NAALADL2: variants seen among roughly 807,000 people sequenced by gnomAD.
The protein encoded by NAALADL2 is inactive N-acetylated-alpha-linked acidic dipeptidase-like protein 2.
In NAALADL2, 76 loss-of-function variants were observed where a neutral mutation model predicts 87.2. That is an observed-to-expected ratio of 0.87 (90% CI 0.72 to 1.05). The LOEUF (loss-of-function observed/expected upper bound fraction) is 1.05. NAALADL2 is among the 50% of genes least tolerant of loss of function. NAALADL2 has a pLI of 0.00. For missense variants in NAALADL2, 1,089 were observed against 945.8 expected, an observed-to-expected ratio of 1.15 and a Z score of -1.99; for synonymous variants, 354 against 331.0, an observed-to-expected ratio of 1.07 and a Z score of -0.75.
chr3:175,240,432 T>C (rs1296727342), intron 3 of NAALADL2, among the ~76,000 whole-genome samples: 4 of 152,218 alleles, frequency 2.6e-5, no homozygotes, highest in African/African-American at 9.7e-5. Flanking sequence ...TTGGTCTTTC[T>C]CTTTTATTTT....
At chr3:174,463,566 A>G (rs1442329183) in intron 1 of NAALADL2, among the ~76,000 whole-genome samples, 1 of 151,694 alleles carries the variant, frequency 6.6e-6, no homozygotes, top group South Asian at 2.1e-4. Flanking sequence ...AGAATCCTAA[A>G]TACTACATTT....
chr3:174,731,865 G>A (rs116501210), intron 2 of NAALADL2, among the ~76,000 whole-genome samples: 1,767 of 152,216 alleles, frequency 0.012, 34 homozygotes, highest in African/African-American at 0.04. Context: ...CTGGAAAACC[G>A]CTGATCTCAA....
chr3:175,311,225 A>ATTTT (rs58374410), intron 4 of NAALADL2, among the ~76,000 whole-genome samples: 50 of 144,434 alleles, frequency 3.5e-4, no homozygotes, highest in African/African-American at 1.2e-3. Flanking sequence ...TAGAACATGG[A>ATTTT]TTTTTTTTTT....
chr3:175,804,595 A>C lies in NAALADL2; in HGVS notation c.*1392A>C, dbSNP rs1020445986. On this transcript the variant is annotated 3_prime_UTR_variant, in exon 14 of 14. Coordinates refer to ENST00000454872, the MANE Select transcript of NAALADL2 (RefSeq NM_207015.3). ...ACATAGCCTCAGAGTATTTCATATA[A>C]ATTTTCTCTATCTAATTCAAACATA... is the stretch of plus-strand genomic sequence containing the variant. 6.6e-6 allele frequency: 1 copy of C among 151,790 alleles called. No homozygotes were observed. Among genetic ancestry groups the C allele is most frequent in the East Asian group, 1.9e-4 (1 of 5,176 alleles). The allele number at this position is 151,790 out of a possible 1,614,324, so 9.4% of individuals were successfully genotyped here.
At chr3:175,629,211 A>T (rs1386552461) in intron 11 of NAALADL2, among the ~76,000 whole-genome samples, 1 of 148,838 alleles carries the variant, frequency 6.7e-6, no homozygotes, top group Non-Finnish European at 1.5e-5. Context: ...ATGAATATAT[A>T]GTTTAATGAA....
At chr3:175,476,044 CGTT>C (rs1308918064) in intron 9 of NAALADL2, among the ~76,000 whole-genome samples, 4 of 152,074 alleles carry the variant, frequency 2.6e-5, no homozygotes, top group Admixed American at 6.6e-5. Context: ...TAGTTGTAGT[CGTT>C]GTTGTTGTTT....
intron 2 of NAALADL2, among the ~76,000 whole-genome samples, chr3:175,208,212 C>T (rs1741234950): frequency 6.6e-6 from 1 of 152,060 alleles, no homozygotes; most frequent in Non-Finnish European, 1.5e-5. Context: ...TCCCAAGCTT[C>T]CTATATTTTT....
chr3:174,571,915 G>C (rs1714978615), intron 2 of NAALADL2, among the ~76,000 whole-genome samples: 1 of 152,124 alleles, frequency 6.6e-6, no homozygotes, highest in Admixed American at 6.6e-5. Context: ...CTTCAGACTT[G>C]TTTTACCAAA....
At chr3:175,080,129 C>T (rs1717498019) in intron 1 of NAALADL2, among the ~76,000 whole-genome samples, 1 of 152,094 alleles carries the variant, frequency 6.6e-6, no homozygotes, top group Non-Finnish European at 1.5e-5. Context: ...CGGCGCCCGG[C>T]TAATTTTTTG....
chr3:175,374,027 A>G (rs1377001123), intron 5 of NAALADL2, among the ~76,000 whole-genome samples: 1 of 151,928 alleles, frequency 6.6e-6, no homozygotes, highest in Non-Finnish European at 1.5e-5. Context: ...GAATTTTTTT[A>G]TATATTTCAG....
intron 1 of NAALADL2, among the ~76,000 whole-genome samples, chr3:174,478,839 G>T (rs1717373511): frequency 6.6e-6 from 1 of 152,102 alleles, no homozygotes; most frequent in Non-Finnish European, 1.5e-5. Flanking sequence ...AGCCTCCTGA[G>T]AAACTGGGAT....
chr3:175,245,527 T>C (rs1014615722), intron 3 of NAALADL2, among the ~76,000 whole-genome samples: 1 of 152,244 alleles, frequency 6.6e-6, no homozygotes, highest in African/African-American at 2.4e-5. Context: ...GCAAATGTAT[T>C]AAACAACTAC....
rs562428991 is a variant in NAALADL2 at position 174,791,374 on chromosome 3, T to TA, written c.-9+53634dup. Among the ~76,000 whole-genome samples, 29 of 152,210 alleles carry TA rather than the reference T, an allele frequency of 1.9e-4. No individual in the cohort carries two copies. In the South Asian group the frequency reaches 5.4e-3, roughly 28 times the overall value. On this transcript the variant is annotated intron_variant, in intron 3 of 3. Transcript: ENST00000434257. ...TTCATGAATGGGATTAGTGCTCTTGTAAAAAAGGCCTCAGAGAGACCATCC... is the reference window on the plus strand; with the variant it reads ...TTCATGAATGGGATTAGTGCTCTTGTAAAAAAAGGCCTCAGAGAGACCATCC...
intron 2 of NAALADL2, among the ~76,000 whole-genome samples, chr3:175,146,253 A>C (rs1357509290): frequency 6.6e-6 from 1 of 152,094 alleles, no homozygotes; most frequent in Non-Finnish European, 1.5e-5. Flanking sequence ...TTAGGTAACT[A>C]CTAGATCACA....
At chr3:175,013,186 A>ATGT (rs1750282082) in intron 1 of NAALADL2, among the ~76,000 whole-genome samples, 1 of 95,184 alleles carries the variant, frequency 1.1e-5, no homozygotes, top group African/African-American at 6.3e-5. Context: ...ATTTATATAT[A>ATGT]AATATATATA....
At chr3:175,794,147 G>C (rs1021754768) in intron 13 of NAALADL2, among the ~76,000 whole-genome samples, 1 of 152,134 alleles carries the variant, frequency 6.6e-6, no homozygotes, top group African/African-American at 2.4e-5. Flanking sequence ...GAAACGAAAT[G>C]CATCTTTATA....
intron 2 of NAALADL2, among the ~76,000 whole-genome samples, chr3:175,215,342 C>A (rs1180168782): frequency 6.6e-6 from 1 of 152,166 alleles, no homozygotes; most frequent in Non-Finnish European, 1.5e-5. Flanking sequence ...TTAACAACAT[C>A]CCAGCACTTG....
chr3:175,087,618 G>C (rs539727074), intron 1 of NAALADL2, among the ~76,000 whole-genome samples: 2 of 152,038 alleles, frequency 1.3e-5, no homozygotes, highest in South Asian at 2.1e-4. Flanking sequence ...TCCCAACCCC[G>C]TGCTCTCTGA....
At chr3:174,823,429 G>A (rs1385290456) in intron 3 of NAALADL2, among the ~76,000 whole-genome samples, 1 of 151,978 alleles carries the variant, frequency 6.6e-6, no homozygotes, top group Non-Finnish European at 1.5e-5. Context: ...TTCCTAGAGG[G>A]CAAATTTACA....
Sources: allele counts gnomAD v4.1 joint callset (sites outside exome capture counted in the v4.1 genomes callset), GRCh38; gene constraint gnomAD v4.1.1; transcripts MANE v1.5; gene names NCBI Gene and HGNC (gene_info 2026-07-23, HGNC 2026-07-21).